MCPH1: variants seen among roughly 807,000 people sequenced by gnomAD.
MCPH1 encodes microcephalin.
MCPH1 carries 104 observed loss-of-function variants against 84.5 expected under a neutral mutation model. The observed-to-expected ratio is 1.23, with a 90% CI of 1.05 to 1.45. The LOEUF (loss-of-function observed/expected upper bound fraction) is 1.45. Among genes scored for constraint, MCPH1 ranks in the 40% most tolerant of loss-of-function variants. The pLI is 0.00. For missense variants in MCPH1, 1,498 were observed against 1,005.7 expected (o/e 1.49, Z -6.62); for synonymous variants, 514 against 366.8 (o/e 1.40, Z -4.58).
At chr8:6,435,995 C>A (rs1434700480) in intron 4 of MCPH1, 53 bp from the exon 5 acceptor site, 15 of 1,598,650 alleles carry the variant, frequency 9.4e-6, no homozygotes. Context: ...GGCTTTTTCT[C>A]CTGCCTTAAG....
intron 11 of MCPH1, among the ~76,000 whole-genome samples, chr8:6,486,642 T>C (rs1340184597): frequency 2.0e-5 from 3 of 152,220 alleles, no homozygotes; most frequent in Non-Finnish European, 4.4e-5. Flanking sequence ...CCTCCAGTGT[T>C]AGCGCTACTG....
At chr8:6,569,467 G>A (rs565063433) in intron 12 of MCPH1, among the ~76,000 whole-genome samples, 3 of 152,180 alleles carry the variant, frequency 2.0e-5, no homozygotes, top group Admixed American at 6.5e-5. Flanking sequence ...TTTGGAATGC[G>A]AGGAAGGACA....
intron 12 of MCPH1, among the ~76,000 whole-genome samples, chr8:6,538,760 T>G (rs950601568): frequency 3.3e-5 from 5 of 152,228 alleles, no homozygotes; most frequent in African/African-American, 7.2e-5. Context: ...TTAATGTTCT[T>G]GCTTGCTTGG....
At chr8:6,457,174 G>A (rs1298701423) in intron 9 of MCPH1, among the ~76,000 whole-genome samples, 1 of 152,114 alleles carries the variant, frequency 6.6e-6, no homozygotes, top group Admixed American at 6.5e-5. Context: ...TCAAATTTAA[G>A]TCTTCTTTTA....
intron 11 of MCPH1, among the ~76,000 whole-genome samples, chr8:6,492,352 C>G (rs1014957865): frequency 2.0e-5 from 3 of 151,928 alleles, no homozygotes; most frequent in African/African-American, 7.3e-5. Flanking sequence ...TGTTAGAGTT[C>G]TTTGTAGATT....
chr8:6,540,948 G>T (rs948191364), intron 12 of MCPH1, among the ~76,000 whole-genome samples: 3 of 152,244 alleles, frequency 2.0e-5, no homozygotes, highest in Non-Finnish European at 4.4e-5. Context: ...CCTGGGGCAA[G>T]AATGGGGACT....
chr8:6,481,001 A>G (rs1809157198), intron 11 of MCPH1, 125 bp downstream of exon 11: 2 of 1,148,168 alleles, frequency 1.7e-6, no homozygotes, highest in Admixed American at 1.9e-5. Context: ...CTTTCCTGTG[A>G]GCTGGGAACA....
chr8:6,621,850 C>T (rs1335735363), intron 13 of MCPH1, among the ~76,000 whole-genome samples, 159 bp downstream of exon 13: 1 of 151,796 alleles, frequency 6.6e-6, no homozygotes, highest in Non-Finnish European at 1.5e-5. Flanking sequence ...GTGTGGTCAC[C>T]CTCGGCATTC....
intron 3 of MCPH1, among the ~76,000 whole-genome samples, chr8:6,416,607 G>A (rs1366261538): frequency 6.6e-6 from 1 of 152,164 alleles, no homozygotes; most frequent in Admixed American, 6.5e-5. Flanking sequence ...TTAATGTGGT[G>A]TAATTGAGGG....
chr8:6,527,153 G>C (rs946303697), intron 12 of MCPH1, among the ~76,000 whole-genome samples: 3 of 152,182 alleles, frequency 2.0e-5, no homozygotes, highest in African/African-American at 7.2e-5. Flanking sequence ...CACAGCACTA[G>C]CTGTATTTTT....
chr8:6,444,217 T>G lies in MCPH1; in HGVS notation c.671-176T>G, dbSNP rs62496812. ...CCCATCAAAGCCCAGGTTCTCTAGT[T>G]AAAAATACTGGCCTAAAATGTACCC... On this transcript the variant is annotated intron_variant, in intron 7 of 13. Coordinates refer to ENST00000344683, the MANE Select transcript of MCPH1 (RefSeq NM_024596.5). Among the ~76,000 whole-genome samples, 2,423 of 152,326 alleles carry G rather than the reference T, an allele frequency of 0.016. 36 individuals carry two copies. Among genetic ancestry groups the G allele is most frequent in the South Asian group, 0.032 (154 of 4,828 alleles).
At chr8:6,563,312 G>C (rs1047560385) in intron 12 of MCPH1, 7 of 161,482 alleles carry the variant, frequency 4.3e-5, no homozygotes, top group Admixed American at 1.8e-4. Flanking sequence ...ATGTGTAGTG[G>C]GCTGCTCCGC....
At position 6,645,605 on chromosome 8, in the gene MCPH1, G is replaced by GAAAA. The variant is rs1798179789; in HGVS notation, c.*2556_*2557insAAAA. On this transcript the variant is annotated 3_prime_UTR_variant, in exon 14 of 14. Coordinates refer to ENST00000344683, the MANE Select transcript of MCPH1 (RefSeq NM_024596.5). ...ACTATGTATAGAAATTGTAAGGAAT[G>GAAAA]CAAAAAAAAAAAAAAAAAAAAGCCC... 2.5e-5 allele frequency: 1 copy of GAAAA among 40,398 alleles called. No homozygotes were observed. The highest frequency in any genetic ancestry group is 2.2e-4 in the African/African-American group (1 of 4,516). The allele number at this position is 40,398 out of a possible 1,614,324, so 2.5% of individuals were successfully genotyped here. A position where few individuals can be genotyped will look rare whatever the true frequency, so the allele number is the denominator to read the frequency against.
chr8:6,606,576 C>A (rs886449659), intron 12 of MCPH1, among the ~76,000 whole-genome samples: 2 of 152,190 alleles, frequency 1.3e-5, no homozygotes, highest in African/African-American at 2.4e-5. Flanking sequence ...CTTCCTGCCC[C>A]CTCCCACACA....
chr8:6,602,985 G>A (rs190644041), intron 12 of MCPH1, among the ~76,000 whole-genome samples: 3 of 143,274 alleles, frequency 2.1e-5, no homozygotes, highest in Non-Finnish European at 4.4e-5. Flanking sequence ...GTGTGCATCC[G>A]TGTGTGTGTG....
chr8:6,430,785 G>A (rs1290765061), intron 3 of MCPH1, among the ~76,000 whole-genome samples: 1 of 152,106 alleles, frequency 6.6e-6, no homozygotes, highest in African/African-American at 2.4e-5. Context: ...TATCTAGGTT[G>A]GGAAGAAATT....
At chr8:6,488,660 G>A (rs1018006783) in intron 11 of MCPH1, among the ~76,000 whole-genome samples, 2 of 152,160 alleles carry the variant, frequency 1.3e-5, no homozygotes, top group African/African-American at 2.4e-5. Context: ...CTGAGGCACC[G>A]GGAGTGAGGA....
chr8:6,540,696 C>T (rs1392845232), intron 12 of MCPH1, among the ~76,000 whole-genome samples: 1 of 152,258 alleles, frequency 6.6e-6, no homozygotes, highest in African/African-American at 2.4e-5. Flanking sequence ...CTCTGTCTCA[C>T]CAGATTCTCA....
intron 3 of MCPH1, among the ~76,000 whole-genome samples, chr8:6,421,545 G>GA (rs377571782): frequency 2.9e-4 from 43 of 147,208 alleles, no homozygotes; most frequent in Admixed American, 1.5e-3. Flanking sequence ...ATGGTTAAGA[G>GA]AAAAAAAAAA....
Sources: allele counts gnomAD v4.1 joint callset (sites outside exome capture counted in the v4.1 genomes callset), GRCh38; gene constraint gnomAD v4.1.1; transcripts MANE v1.5; gene names NCBI Gene and HGNC (gene_info 2026-07-23, HGNC 2026-07-21).